PDZRN4: variants seen among roughly 807,000 people sequenced by gnomAD.
The protein encoded by PDZRN4 is PDZ domain containing ring finger 4.
In PDZRN4, 70 loss-of-function variants were observed where a neutral mutation model predicts 99.0. The ratio of observed to expected loss-of-function variants is 0.71; its 90% confidence interval spans 0.58 to 0.86. The LOEUF (loss-of-function observed/expected upper bound fraction) is 0.86, where lower values mean the gene tolerates loss of function less well. PDZRN4 is among the 40% of genes least tolerant of loss of function. The probability of loss-of-function intolerance (pLI) is 0.00; values close to 1 mark genes in which losing one functional copy is unlikely to be tolerated. For synonymous variants in PDZRN4, 551 were observed against 501.6 expected (o/e 1.10, Z -1.32); for missense variants, 1,474 against 1,331.2 (o/e 1.11, Z -1.67).
At chr12:41,464,349 G>A (rs1952905213) in intron 3 of PDZRN4, among the ~76,000 whole-genome samples, 1 of 152,016 alleles carries the variant, frequency 6.6e-6, no homozygotes, top group African/African-American at 2.4e-5. Context: ...TCTATAAAAT[G>A]GAAGAGTTCA....
chr12:41,344,030 C>T (rs1951835971), intron 3 of PDZRN4, among the ~76,000 whole-genome samples: 1 of 151,990 alleles, frequency 6.6e-6, no homozygotes. Context: ...AAATTGTATA[C>T]TTCAGGTTTC....
rs113001071 is a variant in PDZRN4 at position 41,428,193 on chromosome 12, A to G, written c.844-78263A>G. Reference sequence around the variant, plus strand: ...TGTACTTGGTTATATATATGCATGCATATAAGCAGGCAGGGAATAAAGCAG... The same window carrying G: ...TGTACTTGGTTATATATATGCATGCGTATAAGCAGGCAGGGAATAAAGCAG... On this transcript the variant is annotated intron_variant, in intron 3 of 9. Transcript: ENST00000402685. Among the ~76,000 whole-genome samples the G allele has an allele frequency of 5.4e-3, 821 of 152,308 alleles. 8 individuals are homozygous for G. The highest frequency in any genetic ancestry group is 0.018 in the African/African-American group (731 of 41,564).
intron 5 of PDZRN4, among the ~76,000 whole-genome samples, chr12:41,519,060 T>C (rs190469048): frequency 1.6e-4 from 25 of 152,246 alleles, no homozygotes; most frequent in Non-Finnish European, 3.2e-4. Flanking sequence ...AATGTATACC[T>C]ACTTCCATGT....
At chr12:41,467,828 AC>A (rs1342649422) in intron 3 of PDZRN4, among the ~76,000 whole-genome samples, 2 of 152,174 alleles carry the variant, frequency 1.3e-5, no homozygotes, top group Middle Eastern at 3.2e-3. Flanking sequence ...GTGAGAAATC[AC>A]TTATTCCATG....
intron 3 of PDZRN4, among the ~76,000 whole-genome samples, chr12:41,456,079 C>A (rs1300544471): frequency 1.3e-5 from 2 of 152,224 alleles, no homozygotes; most frequent in African/African-American, 2.4e-5. Context: ...TTTCTCTCAA[C>A]CTCTGATCTC....
intron 3 of PDZRN4, among the ~76,000 whole-genome samples, chr12:41,328,802 G>C (rs575314083): frequency 3.9e-5 from 6 of 152,110 alleles, no homozygotes; most frequent in Middle Eastern, 3.2e-3. Context: ...AGGAAGACAG[G>C]AGACAGACAT....
chr12:41,503,191 T>C (rs796183498), intron 3 of PDZRN4, among the ~76,000 whole-genome samples: 1 of 152,142 alleles, frequency 6.6e-6, no homozygotes. Context: ...CAGTAGAGCA[T>C]TTAAAGGTCA....
intron 3 of PDZRN4, among the ~76,000 whole-genome samples, chr12:41,320,548 A>G (rs1951669637): frequency 6.6e-6 from 1 of 152,164 alleles, no homozygotes; most frequent in Non-Finnish European, 1.5e-5. Context: ...CTTCCTTTCT[A>G]GCAGTGGACC....
At chr12:41,244,911 C>T (rs538319695) in intron 3 of PDZRN4, among the ~76,000 whole-genome samples, 1 of 144,362 alleles carries the variant, frequency 6.9e-6, no homozygotes, top group South Asian at 2.3e-4. Flanking sequence ...AGGATGGTCT[C>T]GATCTCCTGA....
chr12:41,306,361 G>A (rs1951569502), intron 3 of PDZRN4, among the ~76,000 whole-genome samples: 1 of 152,170 alleles, frequency 6.6e-6, no homozygotes, highest in South Asian at 2.1e-4. Flanking sequence ...AATTGCCTTT[G>A]GGGCCATTCT....
intron 6 of PDZRN4, among the ~76,000 whole-genome samples, chr12:41,553,393 T>C (rs990812418): frequency 6.6e-5 from 10 of 152,302 alleles, no homozygotes; most frequent in African/African-American, 2.4e-4. Context: ...GCAAAAAGCA[T>C]TATTTTATGT....
At chr12:41,191,681 T>C in intron 2 of PDZRN4, 137 bp downstream of exon 2, 1 of 500,436 alleles carries the variant, frequency 2.0e-6, no homozygotes, top group Admixed American at 3.9e-5. Context: ...GTTTAATCTT[T>C]AAAATTATAC....
intron 5 of PDZRN4, among the ~76,000 whole-genome samples, chr12:41,513,129 A>T (rs1185520242): frequency 6.6e-6 from 1 of 152,046 alleles, no homozygotes; most frequent in East Asian, 1.9e-4. Context: ...AATAGACCAA[A>T]ACAGATCTGA....
Position 41,460,788 on chromosome 12 carries a change from G to A in PDZRN4, c.844-45668G>A, listed in dbSNP as rs955100820. Reference sequence around the variant, plus strand: ...GCTATACTTTCTTGAGTGGAAAAGGGTAGAGTTATGTCTTGCTGTAAAATG... The same window carrying A: ...GCTATACTTTCTTGAGTGGAAAAGGATAGAGTTATGTCTTGCTGTAAAATG... On this transcript the variant is annotated intron_variant, in intron 3 of 9. Coordinates refer to ENST00000402685, the MANE Select transcript of PDZRN4 (RefSeq NM_001164595.2). 4.6e-5 allele frequency among the ~76,000 whole-genome samples: 7 copies of A among 152,168 alleles called. No homozygotes were observed. The East Asian group carries it at 7.7e-4, about 17-fold the overall frequency.
At chr12:41,241,060 C>T (rs1431085198) in intron 3 of PDZRN4, among the ~76,000 whole-genome samples, 1 of 152,036 alleles carries the variant, frequency 6.6e-6, no homozygotes, top group African/African-American at 2.4e-5. Context: ...TAGCTCTTTC[C>T]TTATTATTCC....
intron 3 of PDZRN4, among the ~76,000 whole-genome samples, chr12:41,357,186 C>A (rs770811188): frequency 5.3e-5 from 8 of 151,826 alleles, no homozygotes; most frequent in Non-Finnish European, 1.0e-4. Flanking sequence ...CTCTCCTTCT[C>A]TCACACCCAC....
chr12:41,439,195 A>T (rs979662532), intron 3 of PDZRN4, among the ~76,000 whole-genome samples: 1 of 152,230 alleles, frequency 6.6e-6, no homozygotes, highest in Non-Finnish European at 1.5e-5. Context: ...ATCACCATAG[A>T]CAGGAAAAAG....
intron 3 of PDZRN4, among the ~76,000 whole-genome samples, chr12:41,279,963 GC>G (rs1356242360): frequency 6.5e-4 from 99 of 152,282 alleles, no homozygotes; most frequent in African/African-American, 2.4e-3. Flanking sequence ...GCAGCTCCCA[GC>G]AAGGCCCATG....
At chr12:41,403,182 C>G (rs1303173442) in intron 3 of PDZRN4, among the ~76,000 whole-genome samples, 3 of 152,058 alleles carry the variant, frequency 2.0e-5, no homozygotes, top group Non-Finnish European at 4.4e-5. Flanking sequence ...CTTGTGATTC[C>G]CCCCACACAT....
Sources: gnomAD v4.1 joint callset for allele counts (sites outside exome capture counted in the v4.1 genomes callset) on GRCh38, gnomAD v4.1.1 for gene constraint, MANE v1.5 for transcripts, NCBI Gene and HGNC (gene_info 2026-07-23, HGNC 2026-07-21) for gene names.